Variants in ALKBH8 observed in about 807,000 individuals in gnomAD.
The protein encoded by ALKBH8 is alkB homolog 8, tRNA methyltransferase, also known as tRNA (carboxymethyluridine(34)-5-O)-methyltransferase ALKBH8.
Under a neutral mutation model 59.8 loss-of-function variants are expected in ALKBH8, and 36 were observed. The ratio of observed to expected loss-of-function variants is 0.60; its 90% confidence interval spans 0.46 to 0.79. The LOEUF (loss-of-function observed/expected upper bound fraction) is 0.79, where lower values mean the gene tolerates loss of function less well. Among genes scored for constraint, ALKBH8 ranks in the 30% least tolerant of loss-of-function variants. The probability of loss-of-function intolerance (pLI) is 0.00; values close to 1 mark genes in which losing one functional copy is unlikely to be tolerated. For synonymous variants in ALKBH8, 276 were observed against 273.6 expected (o/e 1.01, Z -0.09); for missense variants, 768 against 801.0 (o/e 0.96, Z 0.50).
chr11:107,525,846 C>T (rs952772987), intron 8 of ALKBH8, among the ~76,000 whole-genome samples: 3 of 151,222 alleles, frequency 2.0e-5, no homozygotes, highest in Non-Finnish European at 3.0e-5. Context: ...TTAATTAACA[C>T]CAATTCTAAA....
chr11:107,555,442 C>A (rs531560678), intron 3 of ALKBH8, among the ~76,000 whole-genome samples: 2 of 152,166 alleles, frequency 1.3e-5, no homozygotes, highest in African/African-American at 4.8e-5. Flanking sequence ...CCATGGAGGA[C>A]GGGGGTAAAC....
intron 6 of ALKBH8, among the ~76,000 whole-genome samples, chr11:107,550,933 C>T (rs1864464208): frequency 6.6e-6 from 1 of 152,084 alleles, no homozygotes; most frequent in Non-Finnish European, 1.5e-5. Flanking sequence ...AGCCTCTACA[C>T]TGTGAAAAAA....
intron 8 of ALKBH8, among the ~76,000 whole-genome samples, chr11:107,525,811 T>C (rs1265228783): frequency 5.3e-5 from 8 of 151,822 alleles, no homozygotes; most frequent in Non-Finnish European, 1.2e-4. Context: ...CAACAAATTA[T>C]TCCATGGGAA....
chr11:107,538,404 AT>A (rs1209973541), intron 7 of ALKBH8, among the ~76,000 whole-genome samples: 5 of 152,222 alleles, frequency 3.3e-5, no homozygotes, highest in South Asian at 2.1e-4. Flanking sequence ...CTTTAAAAAA[AT>A]ATTCAATCAA....
chr11:107,507,500 G>GA (rs976000335), intron 11 of ALKBH8, among the ~76,000 whole-genome samples: 2 of 151,924 alleles, frequency 1.3e-5, no homozygotes, highest in African/African-American at 4.8e-5. Flanking sequence ...AAAAATGGTT[G>GA]AAAAAAAGAT....
intron 7 of ALKBH8, 73 bp downstream of exon 7, chr11:107,549,680 T>C (rs894803638): frequency 4.8e-6 from 5 of 1,050,428 alleles, no homozygotes; most frequent in Middle Eastern, 2.0e-4. Context: ...TCATTAAGAA[T>C]GTGGATAATC....
At chr11:107,549,303 GAT>G (rs1192881573) in intron 7 of ALKBH8, among the ~76,000 whole-genome samples, 1 of 152,168 alleles carries the variant, frequency 6.6e-6, no homozygotes, top group Non-Finnish European at 1.5e-5. Flanking sequence ...TAAAAATGAA[GAT>G]ATTACCCTCT....
At position 107,509,189 on chromosome 11, in the gene ALKBH8, C is replaced by T. The variant is rs560776426; in HGVS notation, c.1437+1698G>A. ...CAACACTTGTTATTTTCTATATTTC[C>T]GATAATAGCCATCCTAATGTATGTG... On this transcript the variant is annotated intron_variant, in intron 11 of 11. Transcript: ENST00000428149. Among the ~76,000 whole-genome samples, 38 of 152,176 alleles carry T rather than the reference C, an allele frequency of 2.5e-4. No homozygotes were observed. The South Asian group carries it at 5.4e-3, about 22-fold the overall frequency.
intron 7 of ALKBH8, among the ~76,000 whole-genome samples, chr11:107,539,404 A>G (rs1191638683): frequency 6.6e-6 from 1 of 152,176 alleles, no homozygotes; most frequent in Non-Finnish European, 1.5e-5. Flanking sequence ...GTTTGAGACC[A>G]GCCTGGCCAA....
intron 7 of ALKBH8, among the ~76,000 whole-genome samples, chr11:107,541,332 T>C (rs1004158092): frequency 4.6e-5 from 7 of 152,156 alleles, no homozygotes; most frequent in Admixed American, 1.3e-4. Context: ...AGCACCGAAA[T>C]TGTCTCCATA....
intron 7 of ALKBH8, among the ~76,000 whole-genome samples, chr11:107,533,681 T>C (rs553031889): frequency 3.3e-5 from 5 of 152,256 alleles, no homozygotes; most frequent in African/African-American, 1.2e-4. Flanking sequence ...CTTCTTAAAA[T>C]GTATACATAA....
intron 7 of ALKBH8, among the ~76,000 whole-genome samples, chr11:107,546,256 C>T (rs1262411950): frequency 6.6e-6 from 1 of 152,168 alleles, no homozygotes. Flanking sequence ...TCATTATCAG[C>T]TGACCAACTC....
chr11:107,513,592 T>TA (rs1311572458), intron 10 of ALKBH8, among the ~76,000 whole-genome samples: 1 of 152,240 alleles, frequency 6.6e-6, no homozygotes, highest in Non-Finnish European at 1.5e-5. Context: ...TATGCACTGA[T>TA]ATGTTCACTG....
chr11:107,552,522 G>A (rs1259429415), intron 5 of ALKBH8, among the ~76,000 whole-genome samples: 1 of 152,064 alleles, frequency 6.6e-6, no homozygotes, highest in African/African-American at 2.4e-5. Context: ...GAATTCACAG[G>A]AAAGGAAATA....
chr11:107,522,199 T>C (rs1214439346), intron 10 of ALKBH8, 100 bp downstream of exon 10: 4 of 1,356,716 alleles, frequency 2.9e-6, no homozygotes, highest in Non-Finnish European at 3.9e-6. Flanking sequence ...TATAACTTTC[T>C]GGCAATGATC....
intron 7 of ALKBH8, among the ~76,000 whole-genome samples, chr11:107,536,324 C>T (rs1469303082): frequency 6.6e-6 from 1 of 152,198 alleles, no homozygotes; most frequent in Non-Finnish European, 1.5e-5. Context: ...TAAAGTAACA[C>T]AAGGAACCCC....
rs1426452103 is a variant in ALKBH8, at chr11:107,565,640, CCTT to C, written c.-49_-47del. 21 of 1,535,620 alleles carry C rather than the reference CCTT, an allele frequency of 1.4e-5. No individual in the cohort carries two copies. In the Admixed American group the frequency reaches 1.8e-4, roughly 13 times the overall value. On this transcript the variant is annotated 5_prime_UTR_variant, in exon 1 of 12. Transcript: ENST00000428149. ...AGGCCGGATTCTCACCATGCGTGTG[CCTT>C]CTTCTTTGCCAGCCTCTCCACTCTA...
chr11:107,563,196 G>A (rs1865005320), intron 1 of ALKBH8, among the ~76,000 whole-genome samples: 1 of 152,156 alleles, frequency 6.6e-6, no homozygotes, highest in South Asian at 2.1e-4. Context: ...AGACAGGAAG[G>A]GGATAAGTGA....
chr11:107,553,823 T>A, intron 4 of ALKBH8, 24 bp downstream of exon 4: 1 of 1,598,598 alleles, frequency 6.3e-7, no homozygotes, highest in Non-Finnish European at 8.5e-7. Flanking sequence ...CTTTCAAATA[T>A]CAGATTTTGA....
Sources: gnomAD v4.1 joint callset for allele counts (sites outside exome capture counted in the v4.1 genomes callset) on GRCh38, gnomAD v4.1.1 for gene constraint, MANE v1.5 for transcripts, NCBI Gene and HGNC (gene_info 2026-07-23, HGNC 2026-07-21) for gene names.